Variants in PHF23 observed in about 807,000 individuals in gnomAD.
PHF23 encodes the protein PHD finger protein 23.
PHF23 carries 3 observed loss-of-function variants against 36.0 expected under a neutral mutation model. That is an observed-to-expected ratio of 0.08 (90% confidence interval 0.04 to 0.22). PHF23 has a LOEUF of 0.22. Ranked by LOEUF, PHF23 falls within the 10% of genes least tolerant of loss-of-function variation. The pLI, the probability that PHF23 is intolerant of heterozygous loss-of-function variation, is 1.00. For synonymous variants in PHF23, 242 were observed against 192.5 expected, an observed-to-expected ratio of 1.26 and a Z score of -2.13; for missense variants, 475 against 513.6, an observed-to-expected ratio of 0.92 and a Z score of 0.73.
rs1273910944 is a variant in PHF23, at chr17:7,235,617, T to C, written c.*9A>G. 3.1e-6 allele frequency: 5 copies of C among 1,611,904 alleles called. No homozygotes were observed. The highest frequency in any genetic ancestry group is 1.7e-5 in the Admixed American group (1 of 59,974). ...GTCATTTGGAAGTTCCAGGCTAAAGTTGGTGCCATCAGGGCTCTCCAGATT... is the reference window on the plus strand; with the variant it reads ...GTCATTTGGAAGTTCCAGGCTAAAGCTGGTGCCATCAGGGCTCTCCAGATT... On this transcript the variant is annotated 3_prime_UTR_variant, in exon 5 of 5. Transcript: ENST00000320316.
rs2071748861 is a variant in PHF23, at chr17:7,239,451, C to T, written c.-172G>A. ...CGCCACCTCCCTCTACCACTGCCTC[C>T]CGCACTCCCGGACCGGGCCCCCTCC... On this transcript the variant is annotated 5_prime_UTR_variant, in exon 1 of 5. Transcript: ENST00000320316. The T allele has an allele frequency of 6.2e-6, 3 of 480,406 alleles. No homozygotes were observed. The highest frequency in any genetic ancestry group is 6.1e-5 in the African/African-American group (3 of 48,786). The allele number at this position is 480,406 out of a possible 1,614,324, so 29.8% of individuals were successfully genotyped here. A position where few individuals can be genotyped will look rare whatever the true frequency, so the allele number is the denominator to read the frequency against.
In PHF23 at chr17:7,236,429, G is replaced by A. The variant is rs576536293; in HGVS notation, c.498C>T (p.Pro166=). ...AGAGGTCCCCCTGGGAAAGGGGCAC[G>A]GGGGTAAGAGCAGCAGGGGGCCGGG... The part of the protein sequence containing the change: ...HTSRPPAALT[P]VPLSQGDLSH... Residue 166 remains proline (P), a synonymous_variant, in exon 4 of 5, where the codon CCC becomes CCT. Transcript: ENST00000320316. This position sits in a 1 kb window ranked among gnomAD's most constrained non-coding sequence, Gnocchi z 5.1. The A allele has an allele frequency of 3.7e-5, 60 of 1,613,338 alleles. No homozygotes were observed. In the Admixed American group the frequency reaches 4.2e-4, roughly 11 times the overall value.
At chr17:7,239,007 G>A (rs2071740372) in intron 1 of PHF23, 3 of 1,446,588 alleles carry the variant, frequency 2.1e-6, no homozygotes, top group Non-Finnish European at 2.7e-6. Flanking sequence ...GAGGCTCCGG[G>A]TTTCAAGCTC....
rs1337155996 is a variant in PHF23 at position 7,238,856 on chromosome 17, C to T, written c.34+390G>A. ...CTCCGGTACCACCGCCACAAACTACCCCACCTCGGCGAACTACCGGGCCCC... is the reference window on the plus strand; with the variant it reads ...CTCCGGTACCACCGCCACAAACTACTCCACCTCGGCGAACTACCGGGCCCC... On this transcript the variant is annotated intron_variant, in intron 1 of 4. Coordinates refer to ENST00000320316, the MANE Select transcript of PHF23 (RefSeq NM_024297.3). 3 of 1,534,308 alleles carry T rather than the reference C, an allele frequency of 2.0e-6. No homozygotes were observed. The South Asian group carries it at 3.6e-5, about 18-fold the overall frequency.
chr17:7,239,240 G>A lies in PHF23; in HGVS notation c.34+6C>T. The A allele has an allele frequency of 6.5e-7, 1 of 1,539,322 alleles. No individual in the cohort carries two copies. Among genetic ancestry groups the A allele is most frequent in the Non-Finnish European group, 8.9e-7 (1 of 1,125,838 alleles). On this transcript the variant is annotated splice_donor_region_variant and intron_variant, in intron 1 of 4. Transcript: ENST00000320316. ...GCTCAGCGCTCTGCACCGGTCGAGA[G>A]CTCACCTTCGGGACTGGGCTCCGCC... is the stretch of plus-strand genomic sequence containing the variant.
At position 7,239,456 on chromosome 17, in the gene PHF23, C is replaced by A; in HGVS notation, c.-177G>T. ...CCTCCCTCTACCACTGCCTCCCGCA[C>A]TCCCGGACCGGGCCCCCTCCCCCCG... On this transcript the variant is annotated 5_prime_UTR_variant, in exon 1 of 5. Coordinates refer to ENST00000320316, the MANE Select transcript of PHF23 (RefSeq NM_024297.3). 2.2e-6 allele frequency: 1 copy of A among 460,276 alleles called. No individual in the cohort carries two copies. The highest frequency in any genetic ancestry group is 2.6e-5 in the South Asian group (1 of 37,952). The allele number at this position is 460,276 out of a possible 1,614,324, so 28.5% of individuals were successfully genotyped here. A position where few individuals can be genotyped will look rare whatever the true frequency, so the allele number is the denominator to read the frequency against.
In PHF23 at chr17:7,235,634, C is replaced by A; in HGVS notation, c.1204G>T (p.Glu402Ter). The change falls in exon 5 of 5, where the codon GAG (glutamate) becomes TAG (stop). Residue 402 changes from glutamate (E) to a stop codon, truncating the protein, a stop_gained. Coordinates refer to ENST00000320316, the MANE Select transcript of PHF23 (RefSeq NM_024297.3). LOFTEE classifies it high-confidence loss of function. ...RRLGGPPKSG[E>*]P ...GGCTAAAGTTGGTGCCATCAGGGCTCTCCAGATTTGGGAGGCCCCCCTAAC... is the reference window on the plus strand; with the variant it reads ...GGCTAAAGTTGGTGCCATCAGGGCTATCCAGATTTGGGAGGCCCCCCTAAC... 6.2e-7 allele frequency: 1 copy of A among 1,613,416 alleles called. No individual in the cohort carries two copies. The highest frequency in any genetic ancestry group is 8.5e-7 in the Non-Finnish European group (1 of 1,180,022).
intron 1 of PHF23, chr17:7,238,063 T>C (rs1597565910): frequency 5.8e-6 from 1 of 172,552 alleles, no homozygotes; most frequent in South Asian, 8.6e-5. Context: ...CCGGCCGCGC[T>C]CCACCGCCTC....
At chr17:7,237,331 T>A in intron 3 of PHF23, 54 bp downstream of exon 3, 1 of 1,417,592 alleles carries the variant, frequency 7.1e-7, no homozygotes, top group Non-Finnish European at 9.9e-7. Context: ...TGAACAACAG[T>A]CACTCTATAG....
chr17:7,236,561 G>A lies in PHF23; in HGVS notation c.366C>T (p.Pro122=), dbSNP rs770315105. 1.2e-5 allele frequency: 20 copies of A among 1,614,032 alleles called. No homozygotes were observed. The highest frequency in any genetic ancestry group is 5.5e-5 in the South Asian group (5 of 91,086). ...PRSTFSRLQA[P]DSATLLEKMK... ...TCTTCTCAAGCAAGGTAGCACTGTC[G>A]GGGGCCTGCAGACGAGAGAAAGTGG... The change falls in exon 4 of 5, where the codon CCC becomes CCT. Residue 122 remains proline (P), a synonymous_variant. Coordinates refer to ENST00000320316, the MANE Select transcript of PHF23 (RefSeq NM_024297.3). The surrounding 1 kb of genome is among the most constrained non-coding windows in gnomAD (Gnocchi z 5.1).
Position 7,239,259 on chromosome 17 carries a change from C to T in PHF23, c.21G>A (p.Glu7=). ...TCGAGAGCTCACCTTCGGGACTGGGCTCCGCCATGGCTTCCAGCATCGCCC... is the reference window on the plus strand; with the variant it reads ...TCGAGAGCTCACCTTCGGGACTGGGTTCCGCCATGGCTTCCAGCATCGCCC... MLEAMA[E]PSPEDPPPTL... is the part of the protein sequence containing the mutation. Residue 7 remains glutamate, a synonymous_variant, in exon 1 of 5, where the codon GAG becomes GAA. Coordinates refer to ENST00000320316, the MANE Select transcript of PHF23 (RefSeq NM_024297.3). The T allele has an allele frequency of 6.5e-7, 1 of 1,546,196 alleles. No homozygotes were observed. The highest frequency in any genetic ancestry group is 8.9e-7 in the Non-Finnish European group (1 of 1,129,248).
rs1288982884 is a variant in PHF23 at position 7,236,663 on chromosome 17, C to T, written c.264G>A (p.Gln88=). Residue 88 remains glutamine, a synonymous_variant, in exon 4 of 5, where the codon CAG becomes CAA. Coordinates refer to ENST00000320316, the MANE Select transcript of PHF23 (RefSeq NM_024297.3). This position sits in a 1 kb window ranked among gnomAD's most constrained non-coding sequence, Gnocchi z 5.1. ...ATGACTTTGCTTTCTTAACAAAAGTCTGGATGGTTCGAAGATCTGAGGGGG... is the reference window on the plus strand; with the variant it reads ...ATGACTTTGCTTTCTTAACAAAAGTTTGGATGGTTCGAAGATCTGAGGGGG... ...DSAPSDLRTI[Q]TFVKKAKSSK... The T allele has an allele frequency of 7.4e-6, 12 of 1,614,128 alleles. No homozygotes were observed. Among genetic ancestry groups the T allele is most frequent in the Non-Finnish European group, 1.0e-5 (12 of 1,180,020 alleles).
At position 7,236,149 on chromosome 17, in the gene PHF23, C is replaced by T. The variant is rs201628753; in HGVS notation, c.778G>A (p.Glu260Lys). The change falls in exon 4 of 5, where the codon GAA becomes AAA. Residue 260 changes from glutamate (E) to lysine (K), a missense_variant. This residue lies in a region of PHF23 where 350 missense variants were observed against 319.8 expected (regional missense o/e 1.09). Coordinates refer to ENST00000320316, the MANE Select transcript of PHF23 (RefSeq NM_024297.3). This position sits in a 1 kb window ranked among gnomAD's most constrained non-coding sequence, Gnocchi z 5.1. ...EEEEEEEEEE[E>K]EMATVVGGEA... ...CCCCCTACCACTGTTGCCATCTCTT[C>T]TTCTTCTTCCTCTTCCTCCTCTTCC... The T allele has an allele frequency of 4.3e-5, 70 of 1,610,264 alleles. No homozygotes were observed. In the African/African-American group the frequency reaches 4.8e-4, roughly 11 times the overall value.
Position 7,235,675 on chromosome 17 carries a change from C to G in PHF23, c.1163G>C (p.Arg388Thr), listed in dbSNP as rs779303138. 2 of 1,614,150 alleles carry G rather than the reference C, an allele frequency of 1.2e-6. No homozygotes were observed. The highest frequency in any genetic ancestry group is 2.2e-5 in the South Asian group (2 of 91,080). The change falls in exon 5 of 5, where the codon AGG becomes ACG. Residue 388 changes from arginine (R) to threonine (T), a missense_variant. This residue lies in a region of PHF23 where 28 missense variants were observed against 24.6 expected (regional missense o/e 1.14). Coordinates refer to ENST00000320316, the MANE Select transcript of PHF23 (RefSeq NM_024297.3). ...FFYCQKCKEL[R>T]PEARRLGGPP... The stretch of plus-strand genomic sequence containing the variant: ...CCCCCCTAACCGCCGGGCCTCTGGC[C>G]TCAGTTCCTTGCATTTCTGGCAATA...
At chr17:7,240,734 G>A, upstream of PHF23, 3 of 707,294 alleles carry the variant, frequency 4.2e-6, no homozygotes, top group Non-Finnish European at 2.6e-6. Context: ...CAAACATTAA[G>A]AAGTGCCGGT....
intron 3 of PHF23, 38 bp downstream of exon 3, chr17:7,237,347 C>T (rs1221211119): frequency 5.2e-6 from 8 of 1,536,770 alleles, no homozygotes; most frequent in Non-Finnish European, 7.2e-6. Context: ...TATAGTCCCA[C>T]CACACCAGCC....
At chr17:7,239,527 C>G (rs947212438), upstream of PHF23, 1 of 422,960 alleles carries the variant, frequency 2.4e-6, no homozygotes, top group South Asian at 2.8e-5. Context: ...CACCTCCTCT[C>G]TCCTCCCTCC....
In PHF23 at chr17:7,236,038, C is replaced by T. The variant is rs199699221; in HGVS notation, c.889G>A (p.Asp297Asn). ...TVHPEGVPPA[D>N]SESKEVGSTE... Reference sequence around the variant, plus strand: ...CTGCCCACCTCCTTGCTTTCACTGTCAGCAGGAGGGACTCCTTCAGGGTGC... The same window carrying T: ...CTGCCCACCTCCTTGCTTTCACTGTTAGCAGGAGGGACTCCTTCAGGGTGC... Residue 297 changes from aspartate (D) to asparagine (N), a missense_variant, in exon 4 of 5, where the codon GAC becomes AAC. Physicochemically the swap from Asp to Asn is conservative, Grantham distance 23 (BLOSUM62 1). Around this residue, in one of 5 missense-constraint regions of PHF23, gnomAD observed 350 missense variants for 319.8 expected, o/e 1.09. Coordinates refer to ENST00000320316, the MANE Select transcript of PHF23 (RefSeq NM_024297.3). The surrounding 1 kb of genome is among the most constrained non-coding windows in gnomAD (Gnocchi z 5.1). 2 of 1,614,054 alleles carry T rather than the reference C, an allele frequency of 1.2e-6. No homozygotes were observed. Among genetic ancestry groups the T allele is most frequent in the Middle Eastern group, 1.7e-4 (1 of 6,060 alleles).
At chr17:7,239,506 TCCTCCTCCTCCA>T (rs1223407569), upstream of PHF23, 4 of 374,952 alleles carry the variant, frequency 1.1e-5, no homozygotes, top group Non-Finnish European at 9.9e-6. Flanking sequence ...TGCTCCCTCC[TCCTCCTCCTCCA>T]CCTCCTCTCT....
Sources: gnomAD v4.1 joint callset for allele counts on GRCh38, gnomAD v4.1.1 for gene constraint, gnomAD v4.1.1 regional missense constraint, Gnocchi (gnomAD v3.1) non-coding constraint, MANE v1.5 for transcripts, NCBI Gene and HGNC (gene_info 2026-07-23, HGNC 2026-07-21) for gene names.